Variants in MUC12 observed in about 807,000 individuals in gnomAD.
MUC12 encodes the protein mucin 12, cell surface associated.
MUC12 carries 172 observed loss-of-function variants against 230.8 expected under a neutral mutation model. The ratio of observed to expected loss-of-function variants is 0.75; its 90% CI spans 0.66 to 0.85. The LOEUF (loss-of-function observed/expected upper bound fraction) is 0.85. Among genes scored for constraint, MUC12 ranks in the 40% least tolerant of loss-of-function variants. The pLI is 0.00. For synonymous variants in MUC12, 1,259 were observed against 2,401.9 expected (o/e 0.52, Z 13.91); for missense variants, 3,506 against 5,920.6 (o/e 0.59, Z 13.38).
intron 1 of MUC12, among the ~76,000 whole-genome samples, chr7:100,973,275 G>C (rs1420692045): frequency 6.6e-6 from 1 of 152,292 alleles, no homozygotes; most frequent in Non-Finnish European, 1.5e-5. Flanking sequence ...GGGACGTGGA[G>C]ATAGATGGTC....
intron 1 of MUC12, among the ~76,000 whole-genome samples, chr7:100,989,694 G>A (rs1005592189): frequency 7.8e-6 from 1 of 128,700 alleles, no homozygotes; most frequent in African/African-American, 2.5e-5. Context: ...AACAATTCAA[G>A]TTCATTTTTT....
rs147239420 is a variant in MUC12, at chr7:101,002,774, A to T, written c.12211A>T (p.Thr4071Ser). ...ACTGACCCCTGCCAGCTCCACAAGCACTGGCCTTCAGGAAGAATCTACCAC... is the reference window on the plus strand; with the variant it reads ...ACTGACCCCTGCCAGCTCCACAAGCTCTGGCCTTCAGGAAGAATCTACCAC... ...TTLTPASSTS[T>S]GLQEESTTFQ... The change falls in exon 2 of 12, where the codon ACT (threonine) becomes TCT (serine). Residue 4071 changes from threonine to serine, a missense_variant. By Grantham distance (58) the Thr-to-Ser change is moderately conservative. Transcript: ENST00000536621. 8,246 of 1,094,402 alleles carry T rather than the reference A, an allele frequency of 7.5e-3. 2,297 individuals are homozygous for T. Among genetic ancestry groups the T allele is most frequent in the Non-Finnish European group, 8.7e-3 (6,786 of 783,932 alleles). The allele number at this position is 1,094,402 out of a possible 1,614,324, so 67.8% of individuals were successfully genotyped here.
At chr7:100,990,055 G>A (rs568559494) in intron 1 of MUC12, among the ~76,000 whole-genome samples, 2 of 152,228 alleles carry the variant, frequency 1.3e-5, no homozygotes, top group African/African-American at 2.4e-5. Flanking sequence ...CACCCTGCCC[G>A]CTAGCCAAAT....
chr7:101,004,760 G>A lies in MUC12; in HGVS notation c.14197G>A (p.Gly4733Ser). ...TTLASTATTP[G>S]LSAKSTILYS... ...ATTAGCCAGCACTGCCACAACACCA[G>A]GCCTCAGTGCAAAATCTACCATCCT... The change falls in exon 2 of 12, where the codon GGC (glycine) becomes AGC (serine). Residue 4733 changes from glycine to serine, a missense_variant. Coordinates refer to ENST00000536621, the MANE Select transcript of MUC12 (RefSeq NM_001164462.2). 2.0e-6 allele frequency: 3 copies of A among 1,537,188 alleles called. 1 individual carries two copies.
At chr7:101,012,126 G>A (rs1195478673) in intron 5 of MUC12, among the ~76,000 whole-genome samples, 170 bp from the exon 6 acceptor site, 2 of 152,004 alleles carry the variant, frequency 1.3e-5, no homozygotes, top group Admixed American at 1.3e-4. Flanking sequence ...GAATCGTTTC[G>A]CTCTCCTCCC....
At position 101,013,079 on chromosome 7, in the gene MUC12, C is replaced by A. The variant is rs941445328; in HGVS notation, c.15575C>A (p.Thr5192Lys). Residue 5192 changes from threonine (T) to lysine (K), a missense_variant, in exon 8 of 12, where the codon ACG (threonine) becomes AAG (lysine). Thr to Lys is a moderately conservative substitution (Grantham distance 78). Coordinates refer to ENST00000536621, the MANE Select transcript of MUC12 (RefSeq NM_001164462.2). ...LACVNKCTKGTKSQMNCNLGT... is the reference protein window; with the variant it reads ...LACVNKCTKGKKSQMNCNLGT... The stretch of plus-strand genomic sequence containing the variant: ...TGTGTGAACAAGTGCACCAAAGGAA[C>A]GAAGTCGCAAATGAACTGTAACCTG... 233 of 1,537,192 alleles carry A rather than the reference C, an allele frequency of 1.5e-4. No homozygotes were observed. The highest frequency in any genetic ancestry group is 1.7e-4 in the Non-Finnish European group (199 of 1,146,940).
chr7:100,980,355 C>G (rs1793088404), intron 1 of MUC12, among the ~76,000 whole-genome samples: 1 of 152,042 alleles, frequency 6.6e-6, no homozygotes, highest in Non-Finnish European at 1.5e-5. Context: ...AGAAATACCC[C>G]CTTAACCTTA....
In MUC12 at chr7:101,014,148, C is replaced by G. The variant is rs900324366; in HGVS notation, c.15800+74C>G. The stretch of plus-strand genomic sequence containing the variant: ...CTGGGGTGGCCACTGTCTGAATGTC[C>G]TAAGGCTCTGCTCCTTCCAGGCCAG... On this transcript the variant is annotated intron_variant, in intron 9 of 11. Coordinates refer to ENST00000536621, the MANE Select transcript of MUC12 (RefSeq NM_001164462.2). 9.1e-6 allele frequency: 13 copies of G among 1,424,248 alleles called. No individual in the cohort carries two copies. The Admixed American group carries it at 2.5e-4, about 27-fold the overall frequency. The allele number at this position is 1,424,248 out of a possible 1,614,324, so 88.2% of individuals were successfully genotyped here. A position where few individuals can be genotyped will look rare whatever the true frequency, so the allele number is the denominator to read the frequency against.
At chr7:101,009,881 G>A (rs1169624349) in intron 5 of MUC12, among the ~76,000 whole-genome samples, 1 of 152,182 alleles carries the variant, frequency 6.6e-6, no homozygotes, top group African/African-American at 2.4e-5. Flanking sequence ...GGGGGAGGAG[G>A]CTGGAAAGAT....
chr7:100,973,867 A>T (rs1351964607), intron 1 of MUC12, among the ~76,000 whole-genome samples: 1 of 151,540 alleles, frequency 6.6e-6, no homozygotes, highest in Non-Finnish European at 1.5e-5. Flanking sequence ...AAAAAAAAAA[A>T]ATTAGGCTGG....
intron 1 of MUC12, among the ~76,000 whole-genome samples, chr7:100,983,606 C>A (rs905067685): frequency 6.6e-6 from 1 of 152,092 alleles, no homozygotes; most frequent in Non-Finnish European, 1.5e-5. Context: ...TCTACCCTCA[C>A]GGAGTTCACA....
At position 100,992,295 on chromosome 7, in the gene MUC12, A is replaced by C; in HGVS notation, c.1732A>C (p.Thr578Pro). Reference sequence around the variant, plus strand: ...AGCATCATCCCTTGGTCCAGAATATACTACCTTCCACAGCCGCCCAGGCTC... The same window carrying C: ...AGCATCATCCCTTGGTCCAGAATATCCTACCTTCCACAGCCGCCCAGGCTC... Reference protein sequence around the residue: ...TTASSLGPEYTTFHSRPGSTE... With the variant: ...TTASSLGPEYPTFHSRPGSTE... The change falls in exon 2 of 12, where the codon ACT becomes CCT. Residue 578 changes from threonine to proline, a missense_variant. Physicochemically the swap from Thr to Pro is conservative, Grantham distance 38. Transcript: ENST00000536621. 6.5e-7 allele frequency: 1 copy of C among 1,536,836 alleles called. No homozygotes were observed. The highest frequency in any genetic ancestry group is 8.7e-7 in the Non-Finnish European group (1 of 1,146,156).
At chr7:101,017,231 C>T (rs887017068) in intron 10 of MUC12, 3 of 225,488 alleles carry the variant, frequency 1.3e-5, no homozygotes, top group Admixed American at 5.5e-5. Context: ...TGAAGGAGGG[C>T]GGCCCTGCTG....
chr7:100,991,974 A>G lies in MUC12; in HGVS notation c.1411A>G (p.Ser471Gly). The G allele has an allele frequency of 6.5e-7, 1 of 1,537,988 alleles. No individual in the cohort carries two copies. ...LVGDSTPSPI[S>G]SGSMETTALP... ...TGGAGACTCGACGCCCTCACCCATCAGTTCAGGCTCAATGGAAACCACAGC... is the reference window on the plus strand; with the variant it reads ...TGGAGACTCGACGCCCTCACCCATCGGTTCAGGCTCAATGGAAACCACAGC... Residue 471 changes from serine to glycine, a missense_variant, in exon 2 of 12, where the codon AGT (serine) becomes GGT (glycine). Physicochemically the swap from Ser to Gly is moderately conservative, Grantham distance 56 (BLOSUM62 0). Transcript: ENST00000536621.
chr7:100,969,569 C>G lies in MUC12; in HGVS notation c.-54C>G. The G allele has an allele frequency of 6.5e-7, 1 of 1,537,204 alleles. No homozygotes were observed. On this transcript the variant is annotated 5_prime_UTR_variant, in exon 1 of 12. Coordinates refer to ENST00000536621, the MANE Select transcript of MUC12 (RefSeq NM_001164462.2). The stretch of plus-strand genomic sequence containing the variant: ...ATCCCTTCCTGGGAGGCCTTCATTT[C>G]TTGGTCCCTCCTGATGAGAGAAGAT...
At chr7:100,974,765 C>T (rs995177291) in intron 1 of MUC12, among the ~76,000 whole-genome samples, 12 of 152,422 alleles carry the variant, frequency 7.9e-5, no homozygotes, top group African/African-American at 2.9e-4. Flanking sequence ...GTCGAGACTG[C>T]AGTGAGCTGT....
At position 100,974,314 on chromosome 7, in the gene MUC12, G is replaced by A. The variant is rs570675624; in HGVS notation, c.67+4625G>A. On this transcript the variant is annotated intron_variant, in intron 1 of 11. Coordinates refer to ENST00000536621, the MANE Select transcript of MUC12 (RefSeq NM_001164462.2). Reference sequence around the variant, plus strand: ...TCTCTTCTCCTTCTGAGACTACAATGAGATGTATGTTAGGCCATTCCATAT... The same window carrying A: ...TCTCTTCTCCTTCTGAGACTACAATAAGATGTATGTTAGGCCATTCCATAT... 2.0e-5 allele frequency among the ~76,000 whole-genome samples: 3 copies of A among 152,392 alleles called. No individual in the cohort carries two copies. The East Asian group carries it at 5.8e-4, about 29-fold the overall frequency.
intron 1 of MUC12, among the ~76,000 whole-genome samples, chr7:100,975,517 T>TGC (rs1793013594): frequency 3.9e-5 from 6 of 152,312 alleles, no homozygotes; most frequent in Non-Finnish European, 5.9e-5. Context: ...GTAATAAACT[T>TGC]ATTCAGCAAA....
chr7:101,012,797 C>T, intron 6 of MUC12, 22 bp from the exon 7 acceptor site: 3 of 1,535,932 alleles, frequency 2.0e-6, no homozygotes, highest in Non-Finnish European at 2.6e-6. Flanking sequence ...ATTCCATCTT[C>T]CTTCCCATCC....
Sources: gnomAD v4.1 joint callset for allele counts (sites outside exome capture counted in the v4.1 genomes callset) on GRCh38, gnomAD v4.1.1 for gene constraint, MANE v1.5 for transcripts, NCBI Gene and HGNC (gene_info 2026-07-23, HGNC 2026-07-21) for gene names.